ITPR2: variants seen among roughly 807,000 people sequenced by gnomAD.
The protein encoded by ITPR2 is inositol 1,4,5-trisphosphate receptor type 2, also known as inositol 1,4,5-trisphosphate-gated calcium channel ITPR2.
A neutral mutation model predicts 317.1 loss-of-function variants in ITPR2; 207 were observed. The ratio of observed to expected loss-of-function variants is 0.65; its 90% CI spans 0.58 to 0.73. ITPR2 has a LOEUF of 0.73. Among genes scored for constraint, ITPR2 ranks in the 30% least tolerant of loss-of-function variants. The pLI, the probability that ITPR2 is intolerant of heterozygous loss-of-function variation, is 0.00. For synonymous variants in ITPR2, 1,156 were observed against 1,149.1 expected (o/e 1.01, Z -0.12); for missense variants, 2,613 against 3,284.0 (o/e 0.80, Z 4.99).
At chr12:26,385,182 A>G (rs1939630825) in intron 55 of ITPR2, among the ~76,000 whole-genome samples, 1 of 152,164 alleles carries the variant, frequency 6.6e-6, no homozygotes, top group South Asian at 2.1e-4. Flanking sequence ...GAGACAGAGC[A>G]CTGGTTTGAT....
At chr12:26,656,814 T>G (rs1947379568) in intron 18 of ITPR2, among the ~76,000 whole-genome samples, 1 of 152,198 alleles carries the variant, frequency 6.6e-6, no homozygotes, top group Non-Finnish European at 1.5e-5. Flanking sequence ...CACTCCATTC[T>G]GGGTTTCCTA....
chr12:26,354,039 C>T lies in ITPR2; in HGVS notation c.7858-13711G>A, dbSNP rs144738511. The stretch of plus-strand genomic sequence containing the variant: ...ATGTAATCCTAGCACTTTGGGAGGC[C>T]GAGGCAGGTGGATCACCTGAGGTCA... On this transcript the variant is annotated intron_variant, in intron 55 of 56. Transcript: ENST00000381340. Among the ~76,000 whole-genome samples the T allele has an allele frequency of 7.2e-3, 1,098 of 152,170 alleles. 15 individuals are homozygous for T. Among genetic ancestry groups the T allele is most frequent in the African/African-American group, 0.025 (1,052 of 41,522 alleles).
chr12:26,423,401 G>C (rs11048510), intron 49 of ITPR2, among the ~76,000 whole-genome samples: 35,914 of 151,978 alleles, frequency 0.24, 4,224 homozygotes, highest in Middle Eastern at 0.29. Flanking sequence ...TAGTAGACTA[G>C]CTATCTGCTA....
intron 45 of ITPR2, among the ~76,000 whole-genome samples, chr12:26,473,166 C>T (rs571579690): frequency 2.6e-5 from 4 of 152,192 alleles, no homozygotes; most frequent in African/African-American, 7.2e-5. Flanking sequence ...GGATTACAGG[C>T]GTGAGCCATT....
At chr12:26,685,571 T>C (rs1459244635) in intron 11 of ITPR2, among the ~76,000 whole-genome samples, 2 of 152,160 alleles carry the variant, frequency 1.3e-5, no homozygotes, top group African/African-American at 2.4e-5. Flanking sequence ...CACTACACCC[T>C]GGACAACAGA....
In ITPR2 at chr12:26,409,895, T is replaced by G. The variant is rs78597373; in HGVS notation, c.7399+1425A>C. ...CTGGGATTATGGGCTGGCAGAAATATGTAGAAAAAAAATGCATGGGCTTCT... is the reference window on the plus strand; with the variant it reads ...CTGGGATTATGGGCTGGCAGAAATAGGTAGAAAAAAAATGCATGGGCTTCT... On this transcript the variant is annotated intron_variant, in intron 52 of 56. Transcript: ENST00000381340. 5.4e-3 allele frequency among the ~76,000 whole-genome samples: 829 copies of G among 152,164 alleles called. 7 individuals carry two copies. The highest frequency in any genetic ancestry group is 0.019 in the African/African-American group (804 of 41,494).
At chr12:26,603,686 G>A (rs1436247055) in intron 26 of ITPR2, among the ~76,000 whole-genome samples, 1 of 152,202 alleles carries the variant, frequency 6.6e-6, no homozygotes, top group African/African-American at 2.4e-5. Flanking sequence ...AGGAGGTCAA[G>A]TTTAAGGCAA....
intron 41 of ITPR2, 62 bp downstream of exon 41, chr12:26,486,042 G>C (rs1591822000): frequency 6.4e-7 from 1 of 1,561,224 alleles, no homozygotes; most frequent in East Asian, 2.3e-5. Context: ...GGTTTTATTT[G>C]AATTTAATTA....
intron 1 of ITPR2, among the ~76,000 whole-genome samples, chr12:26,823,173 AC>A (rs1950963902): frequency 6.6e-6 from 1 of 152,172 alleles, no homozygotes; most frequent in African/African-American, 2.4e-5. Flanking sequence ...TTGGAAAAAA[AC>A]AAAAATTGCC....
At chr12:26,803,271 T>C (rs1391845644) in intron 1 of ITPR2, among the ~76,000 whole-genome samples, 2 of 151,974 alleles carry the variant, frequency 1.3e-5, no homozygotes, top group Non-Finnish European at 1.5e-5. Flanking sequence ...ATGTCTCCAA[T>C]AAACAATGAG....
At chr12:26,479,047 A>G (rs1942483938) in intron 43 of ITPR2, among the ~76,000 whole-genome samples, 1 of 151,558 alleles carries the variant, frequency 6.6e-6, no homozygotes, top group Non-Finnish European at 1.5e-5. Flanking sequence ...ATTTACTAAT[A>G]TATATTATTC....
At chr12:26,641,237 TAA>T (rs201661089) in intron 21 of ITPR2, among the ~76,000 whole-genome samples, 6 of 144,214 alleles carry the variant, frequency 4.2e-5, no homozygotes, top group East Asian at 2.0e-4. Flanking sequence ...ATTCTTTGTT[TAA>T]AAAAAAAAAA....
intron 9 of ITPR2, among the ~76,000 whole-genome samples, chr12:26,696,729 T>C (rs76996185): frequency 0.013 from 2,009 of 152,286 alleles, 25 homozygotes; most frequent in Non-Finnish European, 0.022. Flanking sequence ...CAACGTCTCT[T>C]TAAGCTAGTG....
intron 34 of ITPR2, among the ~76,000 whole-genome samples, chr12:26,577,990 G>A (rs1459536092): frequency 6.6e-6 from 1 of 152,168 alleles, no homozygotes; most frequent in East Asian, 1.9e-4. Flanking sequence ...CCCAACAAAT[G>A]TTAACAGTGA....
intron 55 of ITPR2, among the ~76,000 whole-genome samples, chr12:26,353,449 T>C (rs1204608981): frequency 3.9e-5 from 6 of 152,218 alleles, no homozygotes; most frequent in African/African-American, 9.6e-5. Flanking sequence ...ACAGAAAGAC[T>C]AGATCTGAGT....
At chr12:26,535,330 T>G (rs545952391) in intron 37 of ITPR2, among the ~76,000 whole-genome samples, 3 of 152,218 alleles carry the variant, frequency 2.0e-5, no homozygotes, top group Non-Finnish European at 4.4e-5. Flanking sequence ...TATGTTCTAT[T>G]TAGTGTACGG....
At position 26,832,896 on chromosome 12, in the gene ITPR2, A is replaced by C; in HGVS notation, c.-115T>G. 1.2e-6 allele frequency: 1 copy of C among 801,826 alleles called. No individual in the cohort carries two copies. Among genetic ancestry groups the C allele is most frequent in the Non-Finnish European group, 2.0e-6 (1 of 496,284 alleles). The allele number at this position is 801,826 out of a possible 1,614,324, so 49.7% of individuals were successfully genotyped here. Reference sequence around the variant, plus strand: ...GGATCGCGGGACTACAGCGGCCAAGAGCCGCGGCGGAGGGCACGGCCCGAG... The same window carrying C: ...GGATCGCGGGACTACAGCGGCCAAGCGCCGCGGCGGAGGGCACGGCCCGAG... On this transcript the variant is annotated 5_prime_UTR_variant, in exon 1 of 57. Coordinates refer to ENST00000381340, the MANE Select transcript of ITPR2 (RefSeq NM_002223.4).
intron 47 of ITPR2, among the ~76,000 whole-genome samples, chr12:26,436,976 A>G (rs991334233): frequency 1.3e-5 from 2 of 152,306 alleles, no homozygotes; most frequent in Admixed American, 1.3e-4. Context: ...TATAATAAAA[A>G]CTGTTAATAA....
chr12:26,339,429 G>A lies in ITPR2; in HGVS notation c.8074C>T (p.Pro2692Ser), dbSNP rs939908808. The A allele has an allele frequency of 1.1e-5, 17 of 1,613,756 alleles. No homozygotes were observed. The highest frequency in any genetic ancestry group is 1.4e-5 in the Non-Finnish European group (17 of 1,179,890). Residue 2692 changes from proline (P) to serine (S), a missense_variant, in exon 57 of 57, where the codon CCC becomes TCC. Transcript: ENST00000381340. ...GGTGGCATGTGATGATTCACATGGG[G>A]TGTGTTTGATCCGAGGAAGCCCAGT... ...QRLGFLGSNT[P>S]HVNHHMPPH
Sources: gnomAD v4.1 joint callset for allele counts (sites outside exome capture counted in the v4.1 genomes callset) on GRCh38, gnomAD v4.1.1 for gene constraint, MANE v1.5 for transcripts, NCBI Gene and HGNC (gene_info 2026-07-23, HGNC 2026-07-21) for gene names.